Variants in ATP9B observed in about 807,000 individuals in gnomAD.
ATP9B encodes probable phospholipid-transporting ATPase IIB.
Under a neutral mutation model 146.1 loss-of-function variants are expected in ATP9B, and 110 were observed. That is an observed-to-expected ratio of 0.75 (90% CI 0.65 to 0.88). The LOEUF is 0.88. Ranked by LOEUF, ATP9B falls within the 40% of genes least tolerant of loss-of-function variation. ATP9B has a pLI of 0.00. For missense variants in ATP9B, 1,499 were observed against 1,496.4 expected, an observed-to-expected ratio of 1.00 and a Z score of -0.03; for synonymous variants, 604 against 569.7, an observed-to-expected ratio of 1.06 and a Z score of -0.86.
intron 12 of ATP9B, among the ~76,000 whole-genome samples, chr18:79,260,003 A>G (rs1219728882): frequency 6.6e-6 from 1 of 152,136 alleles, no homozygotes; most frequent in African/African-American, 2.4e-5. Flanking sequence ...TAAAATGCTA[A>G]TATTGGGAGA....
chr18:79,235,065 G>T (rs2095828644), intron 11 of ATP9B, among the ~76,000 whole-genome samples: 1 of 152,048 alleles, frequency 6.6e-6, no homozygotes, highest in African/African-American at 2.4e-5. Flanking sequence ...TAGAGATGGG[G>T]TTTCACCATA....
intron 11 of ATP9B, among the ~76,000 whole-genome samples, chr18:79,249,963 C>T (rs2096007025): frequency 6.6e-6 from 1 of 152,178 alleles, no homozygotes; most frequent in African/African-American, 2.4e-5. Context: ...CACAGCCCAT[C>T]CTTGAAAAGT....
chr18:79,242,116 G>A (rs956375338), intron 11 of ATP9B, among the ~76,000 whole-genome samples: 10 of 152,188 alleles, frequency 6.6e-5, no homozygotes, highest in South Asian at 2.1e-4. Context: ...ACCATTTTGC[G>A]AGGGTTATTA....
chr18:79,259,653 G>A (rs1173425137), intron 12 of ATP9B, among the ~76,000 whole-genome samples: 1 of 152,156 alleles, frequency 6.6e-6, no homozygotes, highest in Non-Finnish European at 1.5e-5. Context: ...TGCGCTTCCA[G>A]AGCAGACGGA....
chr18:79,368,757 G>A (rs942469386), intron 26 of ATP9B, among the ~76,000 whole-genome samples: 20 of 151,700 alleles, frequency 1.3e-4, no homozygotes, highest in African/African-American at 4.8e-4. Flanking sequence ...AAGAGCTGTC[G>A]GGAACGTCAC....
chr18:79,245,963 CCTA>C (rs1408727588), intron 11 of ATP9B, among the ~76,000 whole-genome samples: 1 of 127,674 alleles, frequency 7.8e-6, no homozygotes, highest in Non-Finnish European at 1.7e-5. Flanking sequence ...AGGGCACCAC[CCTA>C]CTGACTGCGG....
intron 7 of ATP9B, among the ~76,000 whole-genome samples, chr18:79,164,042 C>T: frequency 6.6e-6 from 1 of 151,994 alleles, no homozygotes; most frequent in Admixed American, 6.6e-5. Flanking sequence ...CCTCAGTTTC[C>T]CGAGTAGCTG....
At chr18:79,331,757 G>C (rs900391028) in intron 17 of ATP9B, among the ~76,000 whole-genome samples, 1 of 152,064 alleles carries the variant, frequency 6.6e-6, no homozygotes, top group African/African-American at 2.4e-5. Flanking sequence ...GAAAGAACCA[G>C]TTTATGCAAA....
chr18:79,123,792 G>A (rs2094231421), intron 4 of ATP9B, among the ~76,000 whole-genome samples: 1 of 151,956 alleles, frequency 6.6e-6, no homozygotes, highest in Non-Finnish European at 1.5e-5. Flanking sequence ...TTTTCAACTC[G>A]GGCACCAAAA....
At chr18:79,348,539 C>T (rs1343508665) in intron 25 of ATP9B, among the ~76,000 whole-genome samples, 1 of 152,262 alleles carries the variant, frequency 6.6e-6, no homozygotes, top group South Asian at 2.1e-4. Context: ...GCAGGCTGCC[C>T]TCCCCTGGCT....
At chr18:79,251,243 C>A (rs2096020104) in intron 11 of ATP9B, among the ~76,000 whole-genome samples, 1 of 152,224 alleles carries the variant, frequency 6.6e-6, no homozygotes, top group Admixed American at 6.5e-5. Context: ...ATGCGGCATC[C>A]CGTCTGTGTT....
At chr18:79,268,801 C>T (rs896183942) in intron 12 of ATP9B, among the ~76,000 whole-genome samples, 4 of 152,144 alleles carry the variant, frequency 2.6e-5, no homozygotes, top group Non-Finnish European at 2.9e-5. Context: ...GAAATGTGTT[C>T]GCTTTTTGTG....
chr18:79,258,720 T>TA, intron 12 of ATP9B, among the ~76,000 whole-genome samples: 1 of 152,270 alleles, frequency 6.6e-6, no homozygotes. Flanking sequence ...TGGAGAGACT[T>TA]ACGAAGCAGA....
chr18:79,092,904 A>G (rs1023988185), intron 1 of ATP9B, among the ~76,000 whole-genome samples: 2 of 152,226 alleles, frequency 1.3e-5, no homozygotes, highest in African/African-American at 4.8e-5. Context: ...ATAATGATAC[A>G]GTATAGTAAA....
At chr18:79,090,590 T>A (rs1568151842) in intron 1 of ATP9B, among the ~76,000 whole-genome samples, 2 of 152,208 alleles carry the variant, frequency 1.3e-5, no homozygotes, top group Admixed American at 6.5e-5. Flanking sequence ...AAATGTCTAT[T>A]CGGATCTTTT....
chr18:79,301,340 AAAT>A (rs2096589186), intron 13 of ATP9B, among the ~76,000 whole-genome samples: 1 of 152,170 alleles, frequency 6.6e-6, no homozygotes, highest in African/African-American at 2.4e-5. Flanking sequence ...AAAAATACAA[AAAT>A]TAGTTGGGTG....
At chr18:79,347,732 C>A in intron 23 of ATP9B, 38 bp from the exon 24 acceptor site, 1 of 1,495,950 alleles carries the variant, frequency 6.7e-7, no homozygotes, top group Non-Finnish European at 8.9e-7. Context: ...TTCCAGCGTC[C>A]GCCATGTTTG....
intron 1 of ATP9B, among the ~76,000 whole-genome samples, chr18:79,089,417 C>T (rs1461144938): frequency 6.6e-6 from 1 of 152,158 alleles, no homozygotes; most frequent in African/African-American, 2.4e-5. Flanking sequence ...CTTCTGGTGT[C>T]CTGCTCCCCT....
Position 79,329,171 on chromosome 18 carries a change from G to A in ATP9B, c.1804G>A (p.Gly602Ser), listed in dbSNP as rs1350649172. 6.2e-7 allele frequency: 1 copy of A among 1,609,452 alleles called. No homozygotes were observed. Among genetic ancestry groups the A allele is most frequent in the East Asian group, 2.2e-5 (1 of 44,756 alleles). ...TCTGGTGCAGTGGACAGAGAGTGTG[G>A]GCCTCACGCTGGTCAGCAGGGACCT... The part of the protein sequence containing the change: ...VALVQWTESV[G>S]LTLVSRDLTS... The change falls in exon 16 of 30, where the codon GGC becomes AGC. Residue 602 changes from glycine to serine, a missense_variant. By Grantham distance (56) the Gly-to-Ser change is moderately conservative. Coordinates refer to ENST00000426216, the MANE Select transcript of ATP9B (RefSeq NM_198531.5).
Sources: allele counts gnomAD v4.1 joint callset (sites outside exome capture counted in the v4.1 genomes callset), GRCh38; gene constraint gnomAD v4.1.1; transcripts MANE v1.5; gene names NCBI Gene and HGNC (gene_info 2026-07-23, HGNC 2026-07-21).